Variants in FIBCD1 observed in about 807,000 individuals in gnomAD.
The protein encoded by FIBCD1 is fibrinogen C domain-containing protein 1.
FIBCD1 carries 47 observed loss-of-function variants against 45.1 expected under a neutral mutation model. The observed-to-expected ratio is 1.04, with a 90% CI of 0.82 to 1.33. The LOEUF (loss-of-function observed/expected upper bound fraction) is 1.33. FIBCD1 is among the 40% of genes most tolerant of loss of function. FIBCD1 has a pLI of 0.00. For synonymous variants in FIBCD1, 313 were observed against 308.1 expected (o/e 1.02, Z -0.17); for missense variants, 653 against 682.2 (o/e 0.96, Z 0.48).
rs751019454 is a variant in FIBCD1 at position 130,923,755 on chromosome 9, C to T, written c.838G>A (p.Gly280Ser). Residue 280 changes from glycine to serine, a missense_variant, in exon 4 of 7, where the codon GGC becomes AGC. Coordinates refer to ENST00000372338, the MANE Select transcript of FIBCD1 (RefSeq NM_032843.5). ...QVYCDMRTDGGGWTVFQRRED... is the reference protein window; with the variant it reads ...QVYCDMRTDGSGWTVFQRRED... ...CCTGGGACACTCACCGTCCAGCCGC[C>T]GCCGTCCGTGCGCATGTCACAGTAC... 7 of 1,612,124 alleles carry T rather than the reference C, an allele frequency of 4.3e-6. No individual in the cohort carries two copies. The highest frequency in any genetic ancestry group is 1.7e-5 in the Admixed American group (1 of 59,990).
At chr9:130,906,437 C>T (rs1391796772) in intron 5 of FIBCD1, among the ~76,000 whole-genome samples, 2 of 152,228 alleles carry the variant, frequency 1.3e-5, no homozygotes, top group Non-Finnish European at 2.9e-5. Context: ...CCCATCCCGC[C>T]CGGACAAGAA....
intron 4 of FIBCD1, among the ~76,000 whole-genome samples, chr9:130,915,309 C>T (rs967918205): frequency 3.3e-5 from 5 of 152,222 alleles, no homozygotes; most frequent in Admixed American, 2.6e-4. Context: ...GGGGTGAGCA[C>T]ACCTGGCCCC....
chr9:130,916,862 C>T (rs573029740), intron 4 of FIBCD1, among the ~76,000 whole-genome samples: 1 of 152,380 alleles, frequency 6.6e-6, no homozygotes, highest in Non-Finnish European at 1.5e-5. Flanking sequence ...CTTTGGGAGG[C>T]TGAGGCAGGC....
chr9:130,920,261 C>T (rs576985109), intron 4 of FIBCD1, among the ~76,000 whole-genome samples: 24 of 152,234 alleles, frequency 1.6e-4, no homozygotes, highest in East Asian at 3.9e-4. Flanking sequence ...TTTACCACTC[C>T]GCCTCCCCTT....
intron 1 of FIBCD1, chr9:130,930,659 C>T (rs1044784665): frequency 4.5e-5 from 20 of 440,854 alleles, no homozygotes; most frequent in Middle Eastern, 1.3e-3. Flanking sequence ...CCGTGGAGCC[C>T]ACACCACCCA....
chr9:130,939,896 G>GCCCGACGCCGCGCTCCCCT (rs1397004535), upstream of FIBCD1, among the ~76,000 whole-genome samples: 1 of 151,728 alleles, frequency 6.6e-6, no homozygotes, highest in Non-Finnish European at 1.5e-5. Flanking sequence ...CGCCCACACT[G>GCCCGACGCCGCGCTCCCCT]CCCGACGCCG....
Position 130,926,916 on chromosome 9 carries a change from C to G in FIBCD1, c.553-2520G>C, listed in dbSNP as rs1029550012. 6.6e-6 allele frequency among the ~76,000 whole-genome samples: 1 copy of G among 152,104 alleles called. No homozygotes were observed. Among genetic ancestry groups the G allele is most frequent in the Non-Finnish European group, 1.5e-5 (1 of 68,030 alleles). On this transcript the variant is annotated intron_variant, in intron 2 of 6. Transcript: ENST00000372338. This position sits in a 1 kb window ranked among gnomAD's most constrained non-coding sequence, Gnocchi z 4.1. ...TGGGGCTGCAAAGTGCCTATTAACGCGGAGCCCAGCACATGGTATAGGCCT... is the reference window on the plus strand; with the variant it reads ...TGGGGCTGCAAAGTGCCTATTAACGGGGAGCCCAGCACATGGTATAGGCCT...
chr9:130,932,561 C>T (rs1229494891), intron 1 of FIBCD1, among the ~76,000 whole-genome samples: 1 of 152,242 alleles, frequency 6.6e-6, no homozygotes, highest in African/African-American at 2.4e-5. Context: ...TTCCCCTCCT[C>T]CTTTTCCACT....
At chr9:130,911,481 C>T (rs1832045956) in intron 5 of FIBCD1, among the ~76,000 whole-genome samples, 1 of 152,220 alleles carries the variant, frequency 6.6e-6, no homozygotes, top group Admixed American at 6.5e-5. Flanking sequence ...CCTGCCCAAG[C>T]TGGCTTGATT....
At chr9:130,930,767 C>T (rs1325168353) in intron 1 of FIBCD1, 5 of 456,054 alleles carry the variant, frequency 1.1e-5, no homozygotes, top group African/African-American at 2.0e-5. Context: ...GGGCCAGGGG[C>T]CTCACCTCTC....
intron 1 of FIBCD1, among the ~76,000 whole-genome samples, chr9:130,935,900 G>A (rs1342874910): frequency 6.6e-6 from 1 of 152,162 alleles, no homozygotes; most frequent in Non-Finnish European, 1.5e-5. Flanking sequence ...GGAGTGCGGC[G>A]TCAGCGTTAT....
Position 130,923,790 on chromosome 9 carries a change from C to A in FIBCD1, c.803G>T (p.Gly268Val). 1 of 1,612,888 alleles carries A rather than the reference C, an allele frequency of 6.2e-7. No individual in the cohort carries two copies. The highest frequency in any genetic ancestry group is 1.3e-5 in the African/African-American group (1 of 75,038). The change falls in exon 4 of 7, where the codon GGC (glycine) becomes GTC (valine). Residue 268 changes from glycine to valine, a missense_variant. Physicochemically the swap from Gly to Val is moderately radical, Grantham distance 109. Transcript: ENST00000372338. ...GCGCATGTCACAGTACACCTGGAAGCCGGCCGGGTAGTGGGTGGGAAAGAC... is the reference window on the plus strand; with the variant it reads ...GCGCATGTCACAGTACACCTGGAAGACGGCCGGGTAGTGGGTGGGAAAGAC... The part of the protein sequence containing the change: ...YSVFPTHYPA[G>V]FQVYCDMRTD...
Position 130,904,030 on chromosome 9 carries a change from G to C in FIBCD1, c.*34C>G. 1.2e-6 allele frequency: 2 copies of C among 1,607,184 alleles called. No individual in the cohort carries two copies. The highest frequency in any genetic ancestry group is 1.7e-6 in the Non-Finnish European group (2 of 1,177,584). On this transcript the variant is annotated 3_prime_UTR_variant, in exon 7 of 7. Transcript: ENST00000372338. ...AGGTGGGGTCGGGGATGGGGCGACA[G>C]GGACCAGCAGGGCCAAGGACAAGGT...
At chr9:130,930,870 C>T (rs1832438676) in intron 1 of FIBCD1, 2 of 453,580 alleles carry the variant, frequency 4.4e-6, no homozygotes, top group South Asian at 3.1e-5. Context: ...GCAACAGCAG[C>T]GATGCTATAG....
chr9:130,911,013 G>T (rs6597648), intron 5 of FIBCD1, among the ~76,000 whole-genome samples: 59,932 of 152,112 alleles, frequency 0.39, 14,100 homozygotes, highest in African/African-American at 0.64. Context: ...GCTCTACCAA[G>T]CAGCAGGATG....
At position 130,926,737 on chromosome 9, in the gene FIBCD1, G is replaced by T. The variant is rs1270231374; in HGVS notation, c.553-2341C>A. 2.6e-5 allele frequency among the ~76,000 whole-genome samples: 4 copies of T among 151,996 alleles called. No individual in the cohort carries two copies. The highest frequency in any genetic ancestry group is 5.9e-5 in the Non-Finnish European group (4 of 68,002). ...CTCAGGAGGCTGAGGCAGGAGAATC[G>T]CTTGAACCTGGGAGGCGGAGGTTGC... On this transcript the variant is annotated intron_variant, in intron 2 of 6. Coordinates refer to ENST00000372338, the MANE Select transcript of FIBCD1 (RefSeq NM_032843.5). This position sits in a 1 kb window ranked among gnomAD's most constrained non-coding sequence, Gnocchi z 4.1.
chr9:130,924,465 G>T (rs974432704), intron 2 of FIBCD1, 69 bp from the exon 3 acceptor site: 5 of 1,447,094 alleles, frequency 3.5e-6, no homozygotes, highest in South Asian at 1.3e-5. Context: ...CACATAGCAG[G>T]TCACTGGCCA....
chr9:130,910,551 G>C (rs1384916194), intron 5 of FIBCD1, among the ~76,000 whole-genome samples: 1 of 152,268 alleles, frequency 6.6e-6, no homozygotes, highest in East Asian at 1.9e-4. Flanking sequence ...TGCAGTCCCG[G>C]TGCGGGATCC....
chr9:130,924,002 C>A, intron 3 of FIBCD1, 122 bp from the exon 4 acceptor site: 9 of 1,465,288 alleles, frequency 6.1e-6, no homozygotes, highest in South Asian at 1.3e-5. Context: ...AGAGCACTGG[C>A]CTTGGAGTCC....
Sources: gnomAD v4.1 joint callset for allele counts (sites outside exome capture counted in the v4.1 genomes callset) on GRCh38, gnomAD v4.1.1 for gene constraint, Gnocchi (gnomAD v3.1) non-coding constraint, MANE v1.5 for transcripts, NCBI Gene and HGNC (gene_info 2026-07-23, HGNC 2026-07-21) for gene names.